Variants in TCTN2 observed in about 807,000 individuals in gnomAD.
TCTN2 encodes the protein tectonic family member 2, also known as tectonic-2.
TCTN2 carries 66 observed loss-of-function variants against 83.4 expected under a neutral mutation model. The ratio of observed to expected loss-of-function variants is 0.79; its 90% CI spans 0.65 to 0.97. The LOEUF (loss-of-function observed/expected upper bound fraction) is 0.97, where lower values mean the gene tolerates loss of function less well. TCTN2 is among the 50% of genes least tolerant of loss of function. The pLI, the probability that TCTN2 is intolerant of heterozygous loss-of-function variation, is 0.00. For synonymous variants in TCTN2, 301 were observed against 326.7 expected (o/e 0.92, Z 0.85); for missense variants, 794 against 858.1 (o/e 0.93, Z 0.93).
chr12:123,703,048 C>T (rs1395833831), intron 14 of TCTN2, among the ~76,000 whole-genome samples: 1 of 152,174 alleles, frequency 6.6e-6, no homozygotes, highest in Admixed American at 6.6e-5. Context: ...AATGCAAATT[C>T]ATTTCTCATT....
intron 7 of TCTN2, among the ~76,000 whole-genome samples, chr12:123,688,917 C>G (rs1008813013): frequency 1.1e-4 from 16 of 151,880 alleles, no homozygotes; most frequent in African/African-American, 3.6e-4. Context: ...CCACCACGCC[C>G]AGCTAATTTT....
intron 8 of TCTN2, 34 bp from the exon 9 acceptor site, chr12:123,692,624 C>T (rs746975585): frequency 1.5e-5 from 23 of 1,522,598 alleles, no homozygotes; most frequent in Middle Eastern, 1.7e-4. Flanking sequence ...GCCATGTGTA[C>T]GCCTGTGGAA....
At chr12:123,707,165 CAT>C in intron 17 of TCTN2, 92 bp downstream of exon 17, 4 of 1,059,640 alleles carry the variant, frequency 3.8e-6, no homozygotes, top group Non-Finnish European at 2.8e-6. Context: ...AAGCATAAAA[CAT>C]ATAGAAACTT....
Position 123,707,955 on chromosome 12 carries a change from A to C in TCTN2, c.*242A>C. The C allele has an allele frequency of 8.4e-6, 4 of 474,510 alleles. No individual in the cohort carries two copies. The highest frequency in any genetic ancestry group is 1.5e-5 in the Non-Finnish European group (4 of 261,768). 29.4% of individuals were successfully genotyped at this position (474,510 alleles called of 1,614,324 possible). A position where few individuals can be genotyped will look rare whatever the true frequency, so the allele number is the denominator to read the frequency against. ...GAACTCCTGACCTCATGATCCGCCC[A>C]TCTTGGCCTCCCAAAGTGCTGAGAT... On this transcript the variant is annotated 3_prime_UTR_variant, in exon 18 of 18. Coordinates refer to ENST00000303372, the MANE Select transcript of TCTN2 (RefSeq NM_024809.5).
At chr12:123,685,855 C>G (rs1955959533) in intron 5 of TCTN2, among the ~76,000 whole-genome samples, 1 of 150,108 alleles carries the variant, frequency 6.7e-6, no homozygotes, top group African/African-American at 2.5e-5. Flanking sequence ...TCCTGAGTAG[C>G]TGGGATCACA....
At chr12:123,696,521 A>C in intron 12 of TCTN2, 26 bp downstream of exon 12, 4 of 1,590,220 alleles carry the variant, frequency 2.5e-6, no homozygotes, top group Non-Finnish European at 3.5e-6. Flanking sequence ...CATTATGATT[A>C]GCCCTTTGGC....
intron 14 of TCTN2, among the ~76,000 whole-genome samples, chr12:123,704,004 C>CTTT (rs11348520): frequency 7.3e-5 from 8 of 110,194 alleles, no homozygotes; most frequent in South Asian, 3.0e-4. Context: ...TACAAGGAAA[C>CTTT]TTTTTTTTTT....
intron 9 of TCTN2, among the ~76,000 whole-genome samples, 173 bp downstream of exon 9, chr12:123,692,896 T>G (rs550872438): frequency 1.6e-4 from 24 of 152,284 alleles, no homozygotes; most frequent in Non-Finnish European, 2.8e-4. Flanking sequence ...CTGCTGGGCT[T>G]TAGAGTGCTC....
At position 123,672,090 on chromosome 12, in the gene TCTN2, C is replaced by T. The variant is rs73416301; in HGVS notation, c.225C>T (p.Asn75=). The T allele has an allele frequency of 0.026, 41,908 of 1,613,876 alleles. 1,195 individuals carry two copies. The highest frequency in any genetic ancestry group is 0.14 in the African/African-American group (10,129 of 74,950). ...ILPIPTCGVL[N]NETEDWSVTV... ...CAATTCCGACGTGTGGAGTGCTGAA[C>T]AATGAGACGGAAGACTGGAGCGTGA... Residue 75 remains asparagine (N), a synonymous_variant, in exon 3 of 18, where the codon AAC becomes AAT. Coordinates refer to ENST00000303372, the MANE Select transcript of TCTN2 (RefSeq NM_024809.5).
At chr12:123,691,519 A>C (rs1956040636) in intron 8 of TCTN2, among the ~76,000 whole-genome samples, 1 of 152,154 alleles carries the variant, frequency 6.6e-6, no homozygotes, top group Non-Finnish European at 1.5e-5. Flanking sequence ...CATTGCATGG[A>C]CAGAGCACAT....
chr12:123,706,235 A>G (rs1401538276), intron 15 of TCTN2, among the ~76,000 whole-genome samples: 2 of 152,176 alleles, frequency 1.3e-5, no homozygotes, highest in African/African-American at 4.8e-5. Flanking sequence ...CTGGAAATGG[A>G]GAGTGGTGGC....
chr12:123,682,125 C>T (rs941947212), intron 5 of TCTN2, among the ~76,000 whole-genome samples: 1 of 152,186 alleles, frequency 6.6e-6, no homozygotes, highest in Non-Finnish European at 1.5e-5. Flanking sequence ...TGCACACCAC[C>T]ACACACAGTT....
intron 4 of TCTN2, among the ~76,000 whole-genome samples, chr12:123,677,716 A>G (rs1955840962): frequency 6.6e-6 from 1 of 151,852 alleles, no homozygotes; most frequent in African/African-American, 2.4e-5. Flanking sequence ...CCCCTGCACC[A>G]CAGTGTTCCC....
rs1055543630 is a variant in TCTN2, at chr12:123,672,275, C to T, written c.267+143C>T. 3 of 810,668 alleles carry T rather than the reference C, an allele frequency of 3.7e-6. No individual in the cohort carries two copies. The South Asian group carries it at 4.2e-5, about 11-fold the overall frequency. The allele number at this position is 810,668 out of a possible 1,614,324, so 50.2% of individuals were successfully genotyped here. ...ATTGTGGGCTGTTGGATCTGGTAGA[C>T]ACTTATCCAGCCCACGGGTTCCTTA... On this transcript the variant is annotated intron_variant, in intron 3 of 17. Coordinates refer to ENST00000303372, the MANE Select transcript of TCTN2 (RefSeq NM_024809.5).
At chr12:123,704,830 T>C (rs1231113249) in intron 15 of TCTN2, 142 bp downstream of exon 15, 9 of 880,614 alleles carry the variant, frequency 1.0e-5, no homozygotes, top group Non-Finnish European at 1.3e-5. Flanking sequence ...TATGCACATA[T>C]GGAATATGTA....
chr12:123,690,286 G>T (rs1450226512), intron 7 of TCTN2, among the ~76,000 whole-genome samples: 1 of 152,178 alleles, frequency 6.6e-6, no homozygotes. Context: ...AACAGGACAA[G>T]GGATTTTCTT....
intron 6 of TCTN2, 136 bp from the exon 7 acceptor site, chr12:123,687,915 G>A: frequency 8.3e-7 from 1 of 1,203,054 alleles, no homozygotes; most frequent in South Asian, 1.3e-5. Flanking sequence ...AGTGAACAAA[G>A]ATCACGCCAC....
In TCTN2 at chr12:123,707,597, T is replaced by TA. The variant is rs1566266232; in HGVS notation, c.1985-7_1985-6insA. 1 of 1,613,692 alleles carries TA rather than the reference T, an allele frequency of 6.2e-7. No individual in the cohort carries two copies. Among genetic ancestry groups the TA allele is most frequent in the Non-Finnish European group, 8.5e-7 (1 of 1,179,616 alleles). On this transcript the variant is annotated splice_region_variant and splice_polypyrimidine_tract_variant and intron_variant, in intron 17 of 17. Transcript: ENST00000303372. ...ACTGCTGTTGAATTTTGTCCATTGT[T>TA]TTTCAGGGGAGCTGCATTCTCAGTG...
In TCTN2 at chr12:123,696,511, C is replaced by G. The variant is rs369914863; in HGVS notation, c.1393+16C>G. ...TGGCAATCGGGTAATCCGGTTTGGT[C>G]ATTATGATTAGCCCTTTGGCAAATT... On this transcript the variant is annotated intron_variant, in intron 12 of 17. Transcript: ENST00000303372. 4.0e-5 allele frequency: 65 copies of G among 1,606,804 alleles called. No individual in the cohort carries two copies. The highest frequency in any genetic ancestry group is 1.7e-5 in the Non-Finnish European group (20 of 1,173,486).
Sources: gnomAD v4.1 joint callset for allele counts (sites outside exome capture counted in the v4.1 genomes callset) on GRCh38, gnomAD v4.1.1 for gene constraint, MANE v1.5 for transcripts, NCBI Gene and HGNC (gene_info 2026-07-23, HGNC 2026-07-21) for gene names.